GOSR1: variants seen among roughly 807,000 people sequenced by gnomAD.
GOSR1 encodes golgi SNAP receptor complex member 1, also known as 28 kDa Golgi SNARE protein.
In GOSR1, 21 loss-of-function variants were observed where a neutral mutation model predicts 35.5. The ratio of observed to expected loss-of-function variants is 0.59; its 90% CI spans 0.42 to 0.85. GOSR1 has a LOEUF of 0.85. Ranked by LOEUF, GOSR1 falls within the 40% of genes least tolerant of loss-of-function variation. The probability of loss-of-function intolerance (pLI) is 0.00; values close to 1 mark genes in which losing one functional copy is unlikely to be tolerated. For synonymous variants in GOSR1, 94 were observed against 106.6 expected, an observed-to-expected ratio of 0.88 and a Z score of 0.73; for missense variants, 285 against 309.6, an observed-to-expected ratio of 0.92 and a Z score of 0.60.
intron 8 of GOSR1, among the ~76,000 whole-genome samples, chr17:30,521,616 G>A (rs1388722978): frequency 4.0e-5 from 6 of 151,890 alleles, no homozygotes; most frequent in African/African-American, 1.5e-4. Flanking sequence ...AAAAAAATGG[G>A]TGTGGGTCAG....
rs1968186823 is a variant in GOSR1 at position 30,526,569 on chromosome 17, G to A, written c.*4191G>A. ...ACCCTGTTAGCTCTTAAGGGAGGAG[G>A]GAAATCAATTCCAACCATACTTTCC... On this transcript the variant is annotated 3_prime_UTR_variant, in exon 9 of 9. Transcript: ENST00000451249. 1 of 152,580 alleles carries A rather than the reference G, an allele frequency of 6.6e-6. No individual in the cohort carries two copies. Among genetic ancestry groups the A allele is most frequent in the Non-Finnish European group, 1.5e-5 (1 of 68,032 alleles). The allele number at this position is 152,580 out of a possible 1,614,324, so 9.5% of individuals were successfully genotyped here.
At chr17:30,515,426 G>T (rs946674659) in intron 7 of GOSR1, among the ~76,000 whole-genome samples, 1 of 152,014 alleles carries the variant, frequency 6.6e-6, no homozygotes, top group Non-Finnish European at 1.5e-5. Flanking sequence ...CTCACCATGC[G>T]TGATCAGGCG....
rs1469872213 is a variant in GOSR1 at position 30,525,714 on chromosome 17, G to C, written c.*3336G>C. 6.6e-6 allele frequency: 1 copy of C among 152,222 alleles called. No individual in the cohort carries two copies. Among genetic ancestry groups the C allele is most frequent in the East Asian group, 1.9e-4 (1 of 5,206 alleles). 9.4% of individuals were successfully genotyped at this position (152,222 alleles called of 1,614,324 possible). Reference sequence around the variant, plus strand: ...TGAGAGTGAACTGGGACACAAGCTAGTCTAGCTCACTGCAGCCAAGCAAAC... The same window carrying C: ...TGAGAGTGAACTGGGACACAAGCTACTCTAGCTCACTGCAGCCAAGCAAAC... On this transcript the variant is annotated 3_prime_UTR_variant, in exon 9 of 9. Transcript: ENST00000451249.
rs1968194237 is a variant in GOSR1 at position 30,527,015 on chromosome 17, A to G, written c.*4637A>G. On this transcript the variant is annotated 3_prime_UTR_variant, in exon 9 of 9. Coordinates refer to ENST00000451249, the MANE Select transcript of GOSR1 (RefSeq NM_001007025.2). ...CACTAGTATTTTAGCCCTAGAAGTG[A>G]AGGGGAATCTCTTAACATGAAACTT... 6.6e-6 allele frequency: 1 copy of G among 152,140 alleles called. No homozygotes were observed. The highest frequency in any genetic ancestry group is 6.5e-5 in the Admixed American group (1 of 15,286). 9.4% of individuals were successfully genotyped at this position (152,140 alleles called of 1,614,324 possible). A position where few individuals can be genotyped will look rare whatever the true frequency, so the allele number is the denominator to read the frequency against.
rs368434649 is a variant in GOSR1, at chr17:30,520,844, C to T, written c.622+823C>T. ...TCTCCAGTCCACTGTGAATTTTGTT[C>T]TTGCCTTGTCACCCTAAGTATAAAA... On this transcript the variant is annotated intron_variant, in intron 8 of 8. Coordinates refer to ENST00000451249, the MANE Select transcript of GOSR1 (RefSeq NM_001007025.2). Among the ~76,000 whole-genome samples the T allele has an allele frequency of 3.3e-5, 5 of 152,282 alleles. No individual in the cohort carries two copies. In the East Asian group the frequency reaches 9.6e-4, roughly 29 times the overall value.
intron 4 of GOSR1, among the ~76,000 whole-genome samples, chr17:30,486,180 G>T (rs945592159): frequency 6.6e-6 from 1 of 151,324 alleles, no homozygotes; most frequent in Non-Finnish European, 1.5e-5. Flanking sequence ...AATGTATAAC[G>T]TTGTTTTTTA....
intron 6 of GOSR1, among the ~76,000 whole-genome samples, chr17:30,502,611 C>G (rs748726348): frequency 6.6e-6 from 1 of 152,160 alleles, no homozygotes; most frequent in Non-Finnish European, 1.5e-5. Context: ...CTTTCTGTCT[C>G]CCGGTAACTT....
chr17:30,505,900 A>T (rs1405075734), intron 6 of GOSR1, among the ~76,000 whole-genome samples: 1 of 152,098 alleles, frequency 6.6e-6, no homozygotes, highest in Non-Finnish European at 1.5e-5. Context: ...GGATATCTTA[A>T]AATTGTTTGT....
intron 6 of GOSR1, among the ~76,000 whole-genome samples, chr17:30,496,338 G>A (rs1178033523): frequency 6.6e-6 from 1 of 152,070 alleles, no homozygotes; most frequent in Non-Finnish European, 1.5e-5. Flanking sequence ...CTGTCAATAG[G>A]CACATCAGTG....
chr17:30,508,547 C>A (rs1217249925), intron 6 of GOSR1, among the ~76,000 whole-genome samples: 2 of 152,122 alleles, frequency 1.3e-5, no homozygotes, highest in African/African-American at 4.8e-5. Flanking sequence ...CAGGTTAGTG[C>A]CATATCTTTG....
intron 7 of GOSR1, among the ~76,000 whole-genome samples, chr17:30,513,922 G>C (rs537395304): frequency 3.3e-5 from 5 of 152,192 alleles, no homozygotes; most frequent in Non-Finnish European, 5.9e-5. Context: ...TGCCTGCATG[G>C]CACAGTGAGG....
chr17:30,486,437 A>G (rs1209081411), intron 4 of GOSR1, among the ~76,000 whole-genome samples: 2 of 151,744 alleles, frequency 1.3e-5, no homozygotes, highest in Non-Finnish European at 2.9e-5. Context: ...GAATAGCTTG[A>G]ACATTGAACC....
chr17:30,517,416 A>C lies in GOSR1; in HGVS notation c.540-2523A>C, dbSNP rs535393740. 5.9e-5 allele frequency among the ~76,000 whole-genome samples: 9 copies of C among 152,296 alleles called. No homozygotes were observed. In the East Asian group the frequency reaches 9.6e-4, roughly 16 times the overall value. On this transcript the variant is annotated intron_variant, in intron 7 of 8. Coordinates refer to ENST00000451249, the MANE Select transcript of GOSR1 (RefSeq NM_001007025.2). ...ACATCCCCAAGGGTGTTTGTTTCTG[A>C]AAATATTACAGCATTGATATTCTGC...
At chr17:30,491,027 G>C (rs919996804) in intron 5 of GOSR1, among the ~76,000 whole-genome samples, 1 of 152,088 alleles carries the variant, frequency 6.6e-6, no homozygotes, top group Non-Finnish European at 1.5e-5. Context: ...GTGTACTCTC[G>C]AAAACACTTT....
chr17:30,494,352 T>C (rs1261851092), intron 6 of GOSR1, among the ~76,000 whole-genome samples: 1 of 152,196 alleles, frequency 6.6e-6, no homozygotes, highest in African/African-American at 2.4e-5. Flanking sequence ...ACTTTCGTTT[T>C]TGGCTTCTCT....
chr17:30,517,857 C>G (rs1304173040), intron 7 of GOSR1, among the ~76,000 whole-genome samples: 2 of 152,148 alleles, frequency 1.3e-5, no homozygotes, highest in African/African-American at 2.4e-5. Context: ...TAGCATTTCC[C>G]TTCAATAAGA....
In GOSR1 at chr17:30,490,201, G is replaced by C; in HGVS notation, c.418G>C (p.Val140Leu). Residue 140 changes from valine (V) to leucine (L), a missense_variant, in exon 5 of 9, where the codon GTA becomes CTA. By Grantham distance (32) the Val-to-Leu change is conservative. This residue lies in a region of GOSR1 where 168 missense variants were observed against 183.2 expected (regional missense o/e 0.92). Coordinates refer to ENST00000451249, the MANE Select transcript of GOSR1 (RefSeq NM_001007025.2). The stretch of plus-strand genomic sequence containing the variant: ...GGAAAGGGAGAATCTTATGGGATCA[G>C]TACGAAAAGATATTGAGTAAGTTAC... ...IRERENLMGS[V>L]RKDIESYKSG... 6.6e-7 allele frequency: 1 copy of C among 1,514,826 alleles called. No individual in the cohort carries two copies. The highest frequency in any genetic ancestry group is 2.3e-5 in the East Asian group (1 of 44,338). The allele number at this position is 1,514,826 out of a possible 1,614,324, so 93.8% of individuals were successfully genotyped here.
Position 30,522,326 on chromosome 17 carries a change from G to C in GOSR1, c.695G>C (p.Gly232Ala), listed in dbSNP as rs766983257. The change falls in exon 9 of 9, where the codon GGG (glycine) becomes GCG (alanine). Residue 232 changes from glycine (G) to alanine (A), a missense_variant. Physicochemically the swap from Gly to Ala is moderately conservative, Grantham distance 60. This residue lies in a region of GOSR1 where 168 missense variants were observed against 183.2 expected (regional missense o/e 0.92). Transcript: ENST00000451249. The part of the protein sequence containing the change: ...LRKRRDSLIL[G>A]GVIGICTILL... Reference sequence around the variant, plus strand: ...AAGCGGCGGGACTCGCTCATCCTAGGGGGTGTTATTGGGATCTGTACCATC... The same window carrying C: ...AAGCGGCGGGACTCGCTCATCCTAGCGGGTGTTATTGGGATCTGTACCATC... 6 of 1,609,940 alleles carry C rather than the reference G, an allele frequency of 3.7e-6. No homozygotes were observed. The highest frequency in any genetic ancestry group is 3.3e-5 in the Admixed American group (2 of 59,738).
At chr17:30,493,535 A>G (rs1966885731) in intron 6 of GOSR1, among the ~76,000 whole-genome samples, 1 of 152,202 alleles carries the variant, frequency 6.6e-6, no homozygotes, top group Non-Finnish European at 1.5e-5. Flanking sequence ...TTTACAAAAT[A>G]ATGTGAAAAA....
Sources: gnomAD v4.1 joint callset for allele counts (sites outside exome capture counted in the v4.1 genomes callset) on GRCh38, gnomAD v4.1.1 for gene constraint, gnomAD v4.1.1 regional missense constraint, MANE v1.5 for transcripts, NCBI Gene and HGNC (gene_info 2026-07-23, HGNC 2026-07-21) for gene names.